NRXN3: variants seen among roughly 807,000 people sequenced by gnomAD.
NRXN3 encodes neurexin 3, also known as neurexin III.
Under a neutral mutation model 137.6 loss-of-function variants are expected in NRXN3, and 32 were observed. The observed-to-expected ratio is 0.23, with a 90% CI of 0.18 to 0.31. The LOEUF is 0.31. Among genes scored for constraint, NRXN3 ranks in the 10% least tolerant of loss-of-function variants. The pLI is 1.00. For missense variants in NRXN3, 1,574 were observed against 2,062.5 expected, an observed-to-expected ratio of 0.76 and a Z score of 4.59; for synonymous variants, 798 against 784.5, an observed-to-expected ratio of 1.02 and a Z score of -0.29.
chr14:79,142,574 A>G (rs1294547297), intron 15 of NRXN3, among the ~76,000 whole-genome samples: 1 of 152,222 alleles, frequency 6.6e-6, no homozygotes, highest in Non-Finnish European at 1.5e-5. Flanking sequence ...GCTGTTGGCA[A>G]CCTGTGAAGT....
rs1224140645 is a variant in NRXN3 at position 79,254,818 on chromosome 14, C to CTTCCTTCT, written c.3263-212379_3263-212372dup. 6.6e-3 allele frequency among the ~76,000 whole-genome samples: 994 copies of CTTCCTTCT among 151,020 alleles called. 21 individuals are homozygous for CTTCCTTCT. Among genetic ancestry groups the CTTCCTTCT allele is most frequent in the South Asian group, 0.061 (279 of 4,592 alleles). On this transcript the variant is annotated intron_variant, in intron 15 of 20. Transcript: ENST00000335750. ...CCTGCCTGCCTCCCTCCCTCCCTCC[C>CTTCCTTCT]TTCCTTCTTTCCTTCTTTCCTTCTT...
At chr14:78,181,917 G>A (rs1451720009) in intron 1 of NRXN3, among the ~76,000 whole-genome samples, 1 of 152,048 alleles carries the variant, frequency 6.6e-6, no homozygotes, top group Non-Finnish European at 1.5e-5. Flanking sequence ...TTATATGCAG[G>A]CACTATACCA....
chr14:79,811,867 C>A (rs1297021969), intron 20 of NRXN3, among the ~76,000 whole-genome samples: 1 of 152,098 alleles, frequency 6.6e-6, no homozygotes, highest in Non-Finnish European at 1.5e-5. Flanking sequence ...CAGCCGTGAG[C>A]CACCGCGCCC....
chr14:78,577,288 T>G (rs2096945499), intron 4 of NRXN3, among the ~76,000 whole-genome samples: 1 of 152,206 alleles, frequency 6.6e-6, no homozygotes. Flanking sequence ...AATATTGGAA[T>G]TTTTAGGGTC....
At chr14:78,726,194 T>A (rs2098482465) in intron 8 of NRXN3, among the ~76,000 whole-genome samples, 1 of 152,220 alleles carries the variant, frequency 6.6e-6, no homozygotes, top group East Asian at 1.9e-4. Context: ...TTTATTTTGT[T>A]CCTTTTTTTA....
intron 4 of NRXN3, among the ~76,000 whole-genome samples, chr14:78,426,942 GT>G (rs1307940774): frequency 9.2e-5 from 14 of 152,128 alleles, no homozygotes; most frequent in African/African-American, 3.4e-4. Flanking sequence ...GAATAAACAT[GT>G]TCAGCCCTCA....
chr14:79,264,840 A>G (rs977580588), intron 15 of NRXN3, among the ~76,000 whole-genome samples: 2 of 152,184 alleles, frequency 1.3e-5, no homozygotes, highest in Non-Finnish European at 2.9e-5. Context: ...AGAATGAAGT[A>G]TGCTACTTTT....
chr14:78,648,825 T>G (rs2097711484), intron 5 of NRXN3, among the ~76,000 whole-genome samples: 1 of 151,996 alleles, frequency 6.6e-6, no homozygotes, highest in African/African-American at 2.4e-5. Flanking sequence ...TGTGGAATGG[T>G]ACCTGTTGGG....
intron 4 of NRXN3, among the ~76,000 whole-genome samples, chr14:78,518,842 G>A (rs4899717): frequency 0.68 from 103,745 of 151,824 alleles, 35,643 homozygotes; most frequent in East Asian, 0.72. Flanking sequence ...AGAACTACTC[G>A]TTCTGGAGGT....
chr14:78,266,002 A>G (rs953270528), intron 2 of NRXN3, among the ~76,000 whole-genome samples: 1 of 152,208 alleles, frequency 6.6e-6, no homozygotes, highest in African/African-American at 2.4e-5. Flanking sequence ...TGAAAAGAAT[A>G]TATGTCAATG....
At chr14:78,958,915 T>C (rs2099402608) in intron 11 of NRXN3, among the ~76,000 whole-genome samples, 1 of 152,210 alleles carries the variant, frequency 6.6e-6, no homozygotes, top group South Asian at 2.1e-4. Flanking sequence ...TCAGTAGCCC[T>C]GGGGGTCTAA....
At chr14:78,373,841 G>C (rs1216101707) in intron 4 of NRXN3, among the ~76,000 whole-genome samples, 2 of 152,132 alleles carry the variant, frequency 1.3e-5, no homozygotes. Context: ...ATCTCTGAGA[G>C]AGAAAAAAAG....
intron 4 of NRXN3, among the ~76,000 whole-genome samples, chr14:78,383,179 C>T (rs913733413): frequency 1.3e-5 from 2 of 152,152 alleles, no homozygotes; most frequent in African/African-American, 4.8e-5. Flanking sequence ...GGGTAGACAT[C>T]TGTGCTTGGA....
chr14:79,715,918 T>C (rs2098822180), intron 19 of NRXN3, among the ~76,000 whole-genome samples: 2 of 152,246 alleles, frequency 1.3e-5, no homozygotes, highest in Admixed American at 6.5e-5. Context: ...GGGATCATAC[T>C]GTATCGCGTT....
chr14:79,018,229 C>T (rs2099582637), intron 15 of NRXN3, among the ~76,000 whole-genome samples: 1 of 126,438 alleles, frequency 7.9e-6, no homozygotes, highest in South Asian at 2.8e-4. Context: ...CACGGCACTC[C>T]AGCCTGGGTG....
At chr14:79,235,404 C>T (rs2073190707) in intron 15 of NRXN3, among the ~76,000 whole-genome samples, 1 of 152,154 alleles carries the variant, frequency 6.6e-6, no homozygotes, top group Non-Finnish European at 1.5e-5. Context: ...TTCCCTCCAC[C>T]AGAGAGTGAA....
At chr14:78,666,893 C>A (rs1182905545) in intron 6 of NRXN3, among the ~76,000 whole-genome samples, 1 of 152,172 alleles carries the variant, frequency 6.6e-6, no homozygotes, top group East Asian at 1.9e-4. Context: ...TGCAGTTTGT[C>A]TTCAACTTGG....
At chr14:79,566,057 G>T (rs1291939524) in intron 16 of NRXN3, among the ~76,000 whole-genome samples, 1 of 152,118 alleles carries the variant, frequency 6.6e-6, no homozygotes, top group Non-Finnish European at 1.5e-5. Flanking sequence ...GCAGGAGACA[G>T]TCGGAGGGGA....
At chr14:79,076,284 T>G (rs181099291) in intron 15 of NRXN3, among the ~76,000 whole-genome samples, 170 of 152,256 alleles carry the variant, frequency 1.1e-3, no homozygotes, top group Non-Finnish European at 2.3e-3. Flanking sequence ...AACAAATAAC[T>G]CCAAAACGTA....
Sources: gnomAD v4.1 joint callset for allele counts (sites outside exome capture counted in the v4.1 genomes callset) on GRCh38, gnomAD v4.1.1 for gene constraint, MANE v1.5 for transcripts, NCBI Gene and HGNC (gene_info 2026-07-23, HGNC 2026-07-21) for gene names.